The following RNH1 variants were observed in gnomAD, a reference collection of about 807,000 sequenced individuals.
RNH1 encodes the protein ribonuclease inhibitor.
In RNH1, 38 loss-of-function variants were observed where a neutral mutation model predicts 46.1. The observed-to-expected ratio is 0.82, with a 90% confidence interval of 0.64 to 1.08. The LOEUF (loss-of-function observed/expected upper bound fraction) is 1.08. RNH1 is among the 50% of genes least tolerant of loss of function. The pLI, the probability that RNH1 is intolerant of heterozygous loss-of-function variation, is 0.00. For synonymous variants in RNH1, 319 were observed against 279.1 expected, an observed-to-expected ratio of 1.14 and a Z score of -1.43; for missense variants, 577 against 590.7, an observed-to-expected ratio of 0.98 and a Z score of 0.24.
rs1190374594 is a variant in RNH1, at chr11:499,890, C to T, written c.382G>A (p.Ala128Thr). ...LHLSDNLLGD[A>T]GLQLLCEGLL... ...CCTTCGCAGAGCAGCTGCAGGCCCG[C>T]ATCCCCCAAGAGGTTGTCGCTGAGG... Residue 128 changes from alanine (A) to threonine (T), a missense_variant, in exon 5 of 11, where the codon GCG becomes ACG. Coordinates refer to ENST00000354420, the MANE Select transcript of RNH1 (RefSeq NM_203387.3). 2 of 1,613,328 alleles carry T rather than the reference C, an allele frequency of 1.2e-6. No homozygotes were observed. Among genetic ancestry groups the T allele is most frequent in the Non-Finnish European group, 1.7e-6 (2 of 1,179,944 alleles).
At chr11:500,682 A>C in intron 3 of RNH1, 28 bp from the exon 4 acceptor site, 1 of 1,600,160 alleles carries the variant, frequency 6.2e-7, no homozygotes, top group Non-Finnish European at 8.5e-7. Flanking sequence ...GGTCATGTGG[A>C]CCACGCAGAC....
In RNH1 at chr11:500,527, G is replaced by T; in HGVS notation, c.229C>A (p.Leu77Ile). 1 of 1,610,094 alleles carries T rather than the reference G, an allele frequency of 6.2e-7. No individual in the cohort carries two copies. The change falls in exon 4 of 11, where the codon CTC becomes ATC. Residue 77 changes from leucine to isoleucine, a missense_variant. Transcript: ENST00000354420. ...CAGGAGGGGGTCTGCAGGCCCTGGA[G>T]CACGCAATGCACGCCGACATCGCCC... ...ELGDVGVHCV[L>I]QGLQTPSCKI...
Position 502,943 on chromosome 11 carries a change from AAGG to A in RNH1, c.-87-697_-87-695del, listed in dbSNP as rs1849893270. ...CCCCAGGCACAGGCCCTGAATATGG[AAGG>A]AGGTTCCTGAGGCCCTGAGAGCACA... On this transcript the variant is annotated intron_variant, in intron 2 of 10. Coordinates refer to ENST00000354420, the MANE Select transcript of RNH1 (RefSeq NM_203387.3). The surrounding 1 kb of genome is among the most constrained non-coding windows in gnomAD (Gnocchi z 5.8). 6.6e-6 allele frequency: 1 copy of A among 152,260 alleles called. No individual in the cohort carries two copies. The highest frequency in any genetic ancestry group is 1.5e-5 in the Non-Finnish European group (1 of 68,086). 9.4% of individuals were successfully genotyped at this position (152,260 alleles called of 1,614,324 possible). A position where few individuals can be genotyped will look rare whatever the true frequency, so the allele number is the denominator to read the frequency against.
chr11:500,917 T>C lies in RNH1; in HGVS notation c.102-263A>G. 7.1e-6 allele frequency: 4 copies of C among 559,756 alleles called. No individual in the cohort carries two copies. The South Asian group carries it at 7.1e-5, about 10-fold the overall frequency. The allele number at this position is 559,756 out of a possible 1,614,324, so 34.7% of individuals were successfully genotyped here. On this transcript the variant is annotated intron_variant, in intron 3 of 10. Coordinates refer to ENST00000354420, the MANE Select transcript of RNH1 (RefSeq NM_203387.3). ...GCCGAGGCAGGCAGATCACCTGAGG[T>C]CGGGAGTTCAAGACCAACCTGACCA...
chr11:506,758 C>T (rs1464986420), intron 1 of RNH1: 1 of 152,306 alleles, frequency 6.6e-6, no homozygotes, highest in Non-Finnish European at 1.5e-5. Context: ...TTGCGTAGCT[C>T]GCTGGAATCT....
At position 500,635 on chromosome 11, in the gene RNH1, T is replaced by C; in HGVS notation, c.121A>G (p.Thr41Ala). 1 of 1,606,872 alleles carries C rather than the reference T, an allele frequency of 6.2e-7. No individual in the cohort carries two copies. Among genetic ancestry groups the C allele is most frequent in the Non-Finnish European group, 8.5e-7 (1 of 1,179,800 alleles). The change falls in exon 4 of 11, where the codon ACG (threonine) becomes GCG (alanine). Residue 41 changes from threonine to alanine, a missense_variant. Transcript: ENST00000354420. ...CTGATGTCCTTGCACCGTGCTTCCG[T>C]GAGGCCACAGTCGTCCAGCCTGTGA... ...QVVRLDDCGLTEARCKDISSA... is the reference protein window; with the variant it reads ...QVVRLDDCGLAEARCKDISSA...
chr11:498,173 G>A (rs764029487), intron 8 of RNH1, 32 bp from the exon 9 acceptor site: 8 of 1,593,902 alleles, frequency 5.0e-6, no homozygotes, highest in South Asian at 2.3e-5. Flanking sequence ...ACGCCTGGCA[G>A]GGGCCCAGGC....
chr11:498,444 C>CA lies in RNH1; in HGVS notation c.956+12dup. 1 of 1,611,248 alleles carries CA rather than the reference C, an allele frequency of 6.2e-7. No individual in the cohort carries two copies. On this transcript the variant is annotated intron_variant, in intron 8 of 10. Transcript: ENST00000354420. ...CTTGGGCGACAGGGCCCTGCCCCGA[C>CA]AGCCACACTCACCACAGCGACTCCA... is the stretch of plus-strand genomic sequence containing the variant.
In RNH1 at chr11:501,795, C is replaced by T; in HGVS notation, c.101+267G>A. 2.0e-6 allele frequency: 1 copy of T among 509,778 alleles called. No homozygotes were observed. The highest frequency in any genetic ancestry group is 3.2e-5 in the East Asian group (1 of 30,952). The allele number at this position is 509,778 out of a possible 1,614,324, so 31.6% of individuals were successfully genotyped here. A position where few individuals can be genotyped will look rare whatever the true frequency, so the allele number is the denominator to read the frequency against. On this transcript the variant is annotated intron_variant, in intron 3 of 10. Coordinates refer to ENST00000354420, the MANE Select transcript of RNH1 (RefSeq NM_203387.3). This position sits in a 1 kb window ranked among gnomAD's most constrained non-coding sequence, Gnocchi z 4.1. ...TCCAAGGGAGGGAGAGGAGCTGAGA[C>T]ACCGGAGCCAGAGACCCACTGGCCA...
intron 4 of RNH1, 110 bp from the exon 5 acceptor site, chr11:500,109 C>T (rs1849606509): frequency 3.2e-6 from 4 of 1,265,598 alleles, no homozygotes; most frequent in Non-Finnish European, 4.2e-6. Flanking sequence ...AGGTCTATAC[C>T]TGCTCCTTCC....
At position 501,658 on chromosome 11, in the gene RNH1, G is replaced by T. The variant is rs1849761652; in HGVS notation, c.101+404C>A. ...TCGTGTCCTGCTTGTGAAGCTGCTGGGTTTGTGAGGACCTCGAGGGCCGAG... is the reference window on the plus strand; with the variant it reads ...TCGTGTCCTGCTTGTGAAGCTGCTGTGTTTGTGAGGACCTCGAGGGCCGAG... On this transcript the variant is annotated intron_variant, in intron 3 of 10. Transcript: ENST00000354420. The surrounding 1 kb of genome is among the most constrained non-coding windows in gnomAD (Gnocchi z 4.1). 1 of 198,514 alleles carries T rather than the reference G, an allele frequency of 5.0e-6. No homozygotes were observed. The highest frequency in any genetic ancestry group is 1.3e-4 in the East Asian group (1 of 7,978). The allele number at this position is 198,514 out of a possible 1,614,324, so 12.3% of individuals were successfully genotyped here.
intron 2 of RNH1, chr11:504,623 C>G (rs1310556303): frequency 1.3e-5 from 2 of 152,446 alleles, no homozygotes; most frequent in African/African-American, 2.4e-5. Context: ...TCCCACTCCC[C>G]CCTGGGTCGG....
At position 502,018 on chromosome 11, in the gene RNH1, C is replaced by G; in HGVS notation, c.101+44G>C. Reference sequence around the variant, plus strand: ...TTCAGAGGGAGCCGCCACCCGCCAGCCTGCCCCACCAGCACCCCAAGGCCA... The same window carrying G: ...TTCAGAGGGAGCCGCCACCCGCCAGGCTGCCCCACCAGCACCCCAAGGCCA... On this transcript the variant is annotated intron_variant, in intron 3 of 10. Transcript: ENST00000354420. This position sits in a 1 kb window ranked among gnomAD's most constrained non-coding sequence, Gnocchi z 5.8. The G allele has an allele frequency of 6.9e-7, 1 of 1,453,904 alleles. No homozygotes were observed. The highest frequency in any genetic ancestry group is 9.5e-7 in the Non-Finnish European group (1 of 1,050,670). The allele number at this position is 1,453,904 out of a possible 1,614,324, so 90.1% of individuals were successfully genotyped here. A position where few individuals can be genotyped will look rare whatever the true frequency, so the allele number is the denominator to read the frequency against.
intron 2 of RNH1, among the ~76,000 whole-genome samples, chr11:504,194 G>C (rs1477169468): frequency 6.6e-6 from 1 of 152,198 alleles, no homozygotes; most frequent in Non-Finnish European, 1.5e-5. Context: ...ATGTTCCGAC[G>C]TGACGGGGGC....
At chr11:496,904 CAGGGT>C (rs1565017213) in intron 9 of RNH1, among the ~76,000 whole-genome samples, 3 of 152,272 alleles carry the variant, frequency 2.0e-5, no homozygotes, top group East Asian at 3.8e-4. Flanking sequence ...AGATGGACCA[CAGGGT>C]GGCCAGGTAG....
Position 494,731 on chromosome 11 carries a change from G to A in RNH1, c.1346C>T (p.Ala449Val), listed in dbSNP as rs759871551. ...WSEEMEDRLQ[A>V]LEKDKPSLRV... ...CAGGGATGGCTTGTCCTTCTCCAGG[G>A]CCTGCAGCCGGTCCTCCATCTCCTC... is the stretch of plus-strand genomic sequence containing the variant. The change falls in exon 11 of 11, where the codon GCC becomes GTC. Residue 449 changes from alanine to valine, a missense_variant. Transcript: ENST00000354420. 107 of 1,613,808 alleles carry A rather than the reference G, an allele frequency of 6.6e-5. No homozygotes were observed. The Admixed American group carries it at 1.7e-3, about 26-fold the overall frequency.
At chr11:505,897 T>G (rs1475006369) in intron 1 of RNH1, 1 of 131,236 alleles carries the variant, frequency 7.6e-6, no homozygotes, top group Admixed American at 8.1e-5. Flanking sequence ...TTTTTTTTTT[T>G]GAGAAGGAGT....
rs1849768840 is a variant in RNH1 at position 501,757 on chromosome 11, C to T, written c.101+305G>A. The T allele has an allele frequency of 1.9e-5, 8 of 419,966 alleles. No homozygotes were observed. In the South Asian group the frequency reaches 2.4e-4, roughly 13 times the overall value. The allele number at this position is 419,966 out of a possible 1,614,324, so 26.0% of individuals were successfully genotyped here. On this transcript the variant is annotated intron_variant, in intron 3 of 10. Transcript: ENST00000354420. This position sits in a 1 kb window ranked among gnomAD's most constrained non-coding sequence, Gnocchi z 4.1. ...TCACGGAGGGGACCCAAGCTGTGTC[C>T]TGCCCTCGTGTCTCCAAGGGAGGGA...
intron 9 of RNH1, among the ~76,000 whole-genome samples, chr11:495,868 A>G (rs1318130973): frequency 6.6e-6 from 1 of 152,216 alleles, no homozygotes; most frequent in Non-Finnish European, 1.5e-5. Flanking sequence ...CCAGCCCAGG[A>G]TGACCAGCCA....
Sources: allele counts gnomAD v4.1 joint callset (sites outside exome capture counted in the v4.1 genomes callset), GRCh38; gene constraint gnomAD v4.1.1; non-coding constraint Gnocchi (gnomAD v3.1); transcripts MANE v1.5; gene names NCBI Gene and HGNC (gene_info 2026-07-23, HGNC 2026-07-21).